The following KAZN variants were observed in gnomAD, a reference collection of about 807,000 sequenced individuals.
KAZN encodes the protein kazrin, periplakin interacting protein, also known as kazrin.
A neutral mutation model predicts 87.4 loss-of-function variants in KAZN; 40 were observed. That is an observed-to-expected ratio of 0.46 (90% CI 0.36 to 0.60). The LOEUF (loss-of-function observed/expected upper bound fraction) is 0.60. KAZN is among the 20% of genes least tolerant of loss of function. The pLI, the probability that KAZN is intolerant of heterozygous loss-of-function variation, is 0.00. For missense variants in KAZN, 898 were observed against 1,073.9 expected, an observed-to-expected ratio of 0.84 and a Z score of 2.29; for synonymous variants, 466 against 458.3, an observed-to-expected ratio of 1.02 and a Z score of -0.22.
chr1:14,929,608 C>T (rs1659573984), intron 1 of KAZN, among the ~76,000 whole-genome samples: 1 of 152,202 alleles, frequency 6.6e-6, no homozygotes, highest in Admixed American at 6.5e-5. Context: ...GATAAGCACA[C>T]CCAACATGTC....
At chr1:14,592,327 C>T (rs1417298822) in intron 2 of KAZN, among the ~76,000 whole-genome samples, 1 of 152,186 alleles carries the variant, frequency 6.6e-6, no homozygotes, top group Non-Finnish European at 1.5e-5. Flanking sequence ...GCTCTCACAG[C>T]CACTCCTGAG....
intron 1 of KAZN, among the ~76,000 whole-genome samples, chr1:14,849,936 C>CT (rs929379171): frequency 6.7e-6 from 1 of 149,970 alleles, no homozygotes; most frequent in Admixed American, 6.7e-5. Flanking sequence ...TTTCTACCCC[C>CT]CCTTTTTTTT....
chr1:14,704,408 A>G (rs2148811022), intron 1 of KAZN, among the ~76,000 whole-genome samples: 1 of 152,330 alleles, frequency 6.6e-6, no homozygotes, highest in African/African-American at 2.4e-5. Flanking sequence ...TGTCACCAAA[A>G]CCCAGCATTA....
chr1:14,564,463 A>G (rs1331740145), intron 2 of KAZN, among the ~76,000 whole-genome samples: 4 of 152,048 alleles, frequency 2.6e-5, no homozygotes, highest in Non-Finnish European at 4.4e-5. Context: ...TGGGATGATA[A>G]TAGAAGCTAC....
chr1:14,660,616 C>G (rs1020271535), intron 1 of KAZN, among the ~76,000 whole-genome samples: 3 of 146,748 alleles, frequency 2.0e-5, no homozygotes, highest in Non-Finnish European at 3.0e-5. Flanking sequence ...GGATTCAAAC[C>G]CAGGTCTGCC....
At chr1:14,784,031 T>C (rs866616740) in intron 1 of KAZN, among the ~76,000 whole-genome samples, 1 of 152,102 alleles carries the variant, frequency 6.6e-6, no homozygotes, top group African/African-American at 2.4e-5. Flanking sequence ...AGGAGATACA[T>C]ATTAAGAGAT....
rs770674763 is a variant in KAZN at position 15,103,353 on chromosome 1, C to G, written c.1780-6C>G. 18 of 1,550,234 alleles carry G rather than the reference C, an allele frequency of 1.2e-5. No homozygotes were observed. Among genetic ancestry groups the G allele is most frequent in the Middle Eastern group, 1.8e-4 (1 of 5,508 alleles). ...CCCTCCGAATGACCCACTGTCTCCC[C>G]ACAAGGCCCTCCAGGAGCGCCGGGC... is the stretch of plus-strand genomic sequence containing the variant. On this transcript the variant is annotated splice_region_variant and splice_polypyrimidine_tract_variant and intron_variant, in intron 11 of 14. Coordinates refer to ENST00000376030, the MANE Select transcript of KAZN (RefSeq NM_201628.3).
intron 4 of KAZN, among the ~76,000 whole-genome samples, chr1:15,051,680 C>A (rs1414373124): frequency 6.6e-6 from 1 of 152,216 alleles, no homozygotes; most frequent in Non-Finnish European, 1.5e-5. Context: ...ACCTTGGGAT[C>A]CCACAGCTCA....
intron 2 of KAZN, among the ~76,000 whole-genome samples, chr1:14,517,511 G>T (rs766064726): frequency 6.6e-6 from 1 of 152,206 alleles, no homozygotes; most frequent in East Asian, 1.9e-4. Context: ...AAAGGTTAAT[G>T]CAGAAATCAA....
At chr1:14,999,517 T>C (rs201703431) in intron 2 of KAZN, among the ~76,000 whole-genome samples, 5,264 of 79,714 alleles carry the variant, frequency 0.066, 254 homozygotes, top group African/African-American at 0.24. Flanking sequence ...CGCCCCGCCA[T>C]CCAGACCTTG....
chr1:14,761,848 A>C (rs1644747579), intron 1 of KAZN, among the ~76,000 whole-genome samples: 1 of 151,780 alleles, frequency 6.6e-6, no homozygotes, highest in Non-Finnish European at 1.5e-5. Flanking sequence ...CCAGTTAATT[A>C]AAGAGGGATT....
intron 1 of KAZN, among the ~76,000 whole-genome samples, chr1:14,894,531 G>A (rs548576173): frequency 2.0e-5 from 3 of 152,352 alleles, no homozygotes; most frequent in East Asian, 1.9e-4. Flanking sequence ...CCCTGCAGGC[G>A]TTAACTGTCG....
intron 1 of KAZN, among the ~76,000 whole-genome samples, chr1:14,174,476 G>A (rs1646025662): frequency 6.6e-6 from 1 of 152,194 alleles, no homozygotes; most frequent in South Asian, 2.1e-4. Flanking sequence ...GGTGTTGGGA[G>A]CAGTTTTGCG....
At chr1:14,633,301 TG>T (rs1349600740) in intron 1 of KAZN, among the ~76,000 whole-genome samples, 1 of 152,146 alleles carries the variant, frequency 6.6e-6, no homozygotes, top group Non-Finnish European at 1.5e-5. Flanking sequence ...CAGATGGGAT[TG>T]TTAAGGATCT....
At chr1:14,112,443 C>G (rs1483328167) in intron 1 of KAZN, among the ~76,000 whole-genome samples, 3 of 77,686 alleles carry the variant, frequency 3.9e-5, no homozygotes, top group Admixed American at 1.2e-4. Flanking sequence ...GGGTTGTCAA[C>G]AGTCTTGATT....
intron 2 of KAZN, among the ~76,000 whole-genome samples, chr1:14,230,797 G>T (rs1252328815): frequency 1.3e-5 from 2 of 152,104 alleles, no homozygotes; most frequent in Non-Finnish European, 2.9e-5. Flanking sequence ...AATGATTTAT[G>T]ACCTCTTGAG....
intron 13 of KAZN, among the ~76,000 whole-genome samples, chr1:15,109,353 A>G (rs1641406504): frequency 6.6e-6 from 1 of 152,138 alleles, no homozygotes; most frequent in Admixed American, 6.5e-5. Flanking sequence ...TGGGCAACAG[A>G]GCGAGACCCT....
At chr1:14,026,663 A>G (rs1368196248) in intron 1 of KAZN, among the ~76,000 whole-genome samples, 5 of 152,110 alleles carry the variant, frequency 3.3e-5, no homozygotes. Context: ...TCTCCTGGGG[A>G]TTTTGTTAAA....
chr1:14,711,370 G>T (rs1014079950), intron 1 of KAZN, among the ~76,000 whole-genome samples: 2 of 152,028 alleles, frequency 1.3e-5, no homozygotes, highest in South Asian at 2.1e-4. Context: ...GAGGGAATAG[G>T]TGTGTAATTG....
Sources: allele counts gnomAD v4.1 joint callset (sites outside exome capture counted in the v4.1 genomes callset), GRCh38; gene constraint gnomAD v4.1.1; transcripts MANE v1.5; gene names NCBI Gene and HGNC (gene_info 2026-07-23, HGNC 2026-07-21).